Variants in ITPR2 observed in about 807,000 individuals in gnomAD.
ITPR2 encodes the protein inositol 1,4,5-trisphosphate receptor type 2.
A neutral mutation model predicts 317.1 loss-of-function variants in ITPR2; 207 were observed. The observed-to-expected ratio is 0.65, with a 90% CI of 0.58 to 0.73. The LOEUF is 0.73. Ranked by LOEUF, ITPR2 falls within the 30% of genes least tolerant of loss-of-function variation. The probability of loss-of-function intolerance (pLI) is 0.00; values close to 1 mark genes in which losing one functional copy is unlikely to be tolerated. For synonymous variants in ITPR2, 1,156 were observed against 1,149.1 expected (o/e 1.01, Z -0.12); for missense variants, 2,613 against 3,284.0 (o/e 0.80, Z 4.99).
chr12:26,548,866 G>A (rs1944452934), intron 37 of ITPR2, among the ~76,000 whole-genome samples: 1 of 152,162 alleles, frequency 6.6e-6, no homozygotes. Flanking sequence ...TGGTTTGGGA[G>A]ACACATAAAA....
At chr12:26,437,459 C>A (rs977208683) in intron 47 of ITPR2, among the ~76,000 whole-genome samples, 1 of 152,164 alleles carries the variant, frequency 6.6e-6, no homozygotes, top group African/African-American at 2.4e-5. Flanking sequence ...ACTAATGTAT[C>A]ATAAACTATA....
At position 26,702,059 on chromosome 12, in the gene ITPR2, T is replaced by C. The variant is rs767833871; in HGVS notation, c.952-6409A>G. ...CCCATTTACTGAGGTCCCCATATTTTCCTATGCAAAATATGGTAAAATTAC... is the reference window on the plus strand; with the variant it reads ...CCCATTTACTGAGGTCCCCATATTTCCCTATGCAAAATATGGTAAAATTAC... On this transcript the variant is annotated intron_variant, in intron 9 of 56. Transcript: ENST00000381340. 5.2e-4 allele frequency among the ~76,000 whole-genome samples: 79 copies of C among 152,190 alleles called. 1 individual carries two copies. The highest frequency in any genetic ancestry group is 1.0e-3 in the Non-Finnish European group (68 of 68,038).
At chr12:26,391,290 G>T (rs1939826557) in intron 54 of ITPR2, among the ~76,000 whole-genome samples, 1 of 152,166 alleles carries the variant, frequency 6.6e-6, no homozygotes. Context: ...TTTAGCGGAA[G>T]AGTCAATTAG....
intron 2 of ITPR2, among the ~76,000 whole-genome samples, chr12:26,751,932 A>G (rs1436313591): frequency 6.6e-6 from 1 of 152,066 alleles, no homozygotes; most frequent in African/African-American, 2.4e-5. Flanking sequence ...TTTCGAACCC[A>G]GACACAAATT....
At chr12:26,783,185 T>C (rs1950126698) in intron 2 of ITPR2, among the ~76,000 whole-genome samples, 1 of 152,216 alleles carries the variant, frequency 6.6e-6, no homozygotes. Context: ...AAATTCTCTA[T>C]ATTAGTTCCA....
chr12:26,601,526 A>G (rs1311429156), intron 28 of ITPR2, among the ~76,000 whole-genome samples: 1 of 152,234 alleles, frequency 6.6e-6, no homozygotes, highest in African/African-American at 2.4e-5. Flanking sequence ...ATGTTAGAAG[A>G]CAGATAGTCT....
chr12:26,477,233 T>C (rs1386309099), intron 43 of ITPR2, among the ~76,000 whole-genome samples: 4 of 152,154 alleles, frequency 2.6e-5, no homozygotes, highest in Admixed American at 2.0e-4. Flanking sequence ...AGAGATATTT[T>C]AAATATTGGT....
intron 23 of ITPR2, among the ~76,000 whole-genome samples, chr12:26,626,676 T>C (rs16931102): frequency 0.03 from 4,596 of 152,374 alleles, 77 homozygotes; most frequent in East Asian, 0.071. Context: ...CAAGTCCTTC[T>C]GCAGCGGCAT....
At chr12:26,551,787 C>T (rs967117500) in intron 36 of ITPR2, among the ~76,000 whole-genome samples, 6 of 152,142 alleles carry the variant, frequency 3.9e-5, no homozygotes, top group African/African-American at 9.7e-5. Flanking sequence ...GAAACCTGGC[C>T]GGCATGTCCA....
intron 13 of ITPR2, among the ~76,000 whole-genome samples, chr12:26,670,112 G>A (rs1386832925): frequency 6.6e-6 from 1 of 152,338 alleles, no homozygotes; most frequent in Admixed American, 6.5e-5. Context: ...CTCCACCTCT[G>A]GGGGCAGGGC....
chr12:26,669,386 G>C (rs1304087645), intron 13 of ITPR2, among the ~76,000 whole-genome samples: 1 of 152,080 alleles, frequency 6.6e-6, no homozygotes, highest in Non-Finnish European at 1.5e-5. Context: ...AATATTTGCA[G>C]GAAAACGGCT....
In ITPR2 at chr12:26,443,669, A is replaced by G; in HGVS notation, c.6343-19T>C. 6.2e-7 allele frequency: 1 copy of G among 1,604,340 alleles called. No homozygotes were observed. On this transcript the variant is annotated intron_variant, in intron 45 of 56. Coordinates refer to ENST00000381340, the MANE Select transcript of ITPR2 (RefSeq NM_002223.4). ...GGGCCAACTAGAGTAGGGAAAAAATAAAGGTTTTAGGTCTTCTTTTCCCCT... is the reference window on the plus strand; with the variant it reads ...GGGCCAACTAGAGTAGGGAAAAAATGAAGGTTTTAGGTCTTCTTTTCCCCT...
At chr12:26,749,676 T>C (rs1387260221) in intron 2 of ITPR2, among the ~76,000 whole-genome samples, 2 of 152,180 alleles carry the variant, frequency 1.3e-5, no homozygotes, top group African/African-American at 2.4e-5. Context: ...GGTCATGAAA[T>C]AGGATTAAAA....
intron 37 of ITPR2, among the ~76,000 whole-genome samples, chr12:26,507,855 C>CTGTGTG (rs766901558): frequency 2.8e-5 from 4 of 142,294 alleles, no homozygotes; most frequent in Non-Finnish European, 4.6e-5. Flanking sequence ...ACTCTTCTCT[C>CTGTGTG]TCTGTCTCTG....
At chr12:26,565,789 CAGCAA>C (rs1207104883) in intron 34 of ITPR2, among the ~76,000 whole-genome samples, 1 of 145,086 alleles carries the variant, frequency 6.9e-6, no homozygotes, top group Admixed American at 7.2e-5. Context: ...CTAGGCAACA[CAGCAA>C]AACCCTGTCT....
chr12:26,548,985 C>T (rs1944456971), intron 37 of ITPR2, among the ~76,000 whole-genome samples: 1 of 152,128 alleles, frequency 6.6e-6, no homozygotes. Context: ...TGCCATGTAC[C>T]TCCTGTTAAG....
chr12:26,457,661 C>T (rs558918523), intron 45 of ITPR2, among the ~76,000 whole-genome samples: 19 of 152,188 alleles, frequency 1.2e-4, no homozygotes, highest in African/African-American at 4.1e-4. Context: ...CTGTAACATA[C>T]GGTGCAATGA....
intron 37 of ITPR2, among the ~76,000 whole-genome samples, chr12:26,537,097 G>A (rs1317914276): frequency 2.0e-5 from 3 of 152,192 alleles, no homozygotes; most frequent in African/African-American, 4.8e-5. Flanking sequence ...CAAGGATAGA[G>A]GAGAGCTTGC....
At chr12:26,568,140 C>T (rs1256379659) in intron 34 of ITPR2, among the ~76,000 whole-genome samples, 1 of 150,414 alleles carries the variant, frequency 6.6e-6, no homozygotes, top group Admixed American at 6.6e-5. Context: ...GTTAGCCATT[C>T]TTCTGGCCTA....
Sources: gnomAD v4.1 joint callset for allele counts (sites outside exome capture counted in the v4.1 genomes callset) on GRCh38, gnomAD v4.1.1 for gene constraint, MANE v1.5 for transcripts, NCBI Gene and HGNC (gene_info 2026-07-23, HGNC 2026-07-21) for gene names.